The following MCCC2 variants were observed in gnomAD, a reference collection of about 807,000 sequenced individuals.
MCCC2 encodes methylcrotonyl-CoA carboxylase subunit 2.
Under a neutral mutation model 77.2 loss-of-function variants are expected in MCCC2, and 52 were observed. The observed-to-expected ratio is 0.67, with a 90% CI of 0.54 to 0.85. MCCC2 has a LOEUF of 0.85. MCCC2 is among the 40% of genes least tolerant of loss of function. The pLI is 0.00. For synonymous variants in MCCC2, 253 were observed against 248.4 expected (o/e 1.02, Z -0.18); for missense variants, 682 against 703.2 (o/e 0.97, Z 0.34).
chr5:71,646,095 A>G (rs1747266087), intron 12 of MCCC2, 116 bp from the exon 13 acceptor site: 6 of 848,948 alleles, frequency 7.1e-6, no homozygotes, highest in Non-Finnish European at 1.1e-5. Flanking sequence ...AAGAGAAAAA[A>G]TTTTAAAGGG....
intron 11 of MCCC2, 121 bp downstream of exon 11, chr5:71,641,196 G>A (rs1485755862): frequency 7.1e-6 from 6 of 846,970 alleles, no homozygotes; most frequent in Non-Finnish European, 1.2e-5. Flanking sequence ...CTACAAATGT[G>A]TGAGCCACTT....
At chr5:71,625,612 C>T (rs1042339103) in intron 6 of MCCC2, among the ~76,000 whole-genome samples, 1 of 152,210 alleles carries the variant, frequency 6.6e-6, no homozygotes, top group Admixed American at 6.5e-5. Flanking sequence ...TAATCTGTAA[C>T]ACAAACTTCT....
intron 1 of MCCC2, 27 bp from the exon 2 acceptor site, chr5:71,592,899 C>T (rs756758825): frequency 1.5e-5 from 23 of 1,503,150 alleles, no homozygotes; most frequent in Non-Finnish European, 2.0e-5. Flanking sequence ...ATATTTCTCT[C>T]CCCTGTCTCC....
At chr5:71,653,486 T>C (rs1001082955) in intron 16 of MCCC2, among the ~76,000 whole-genome samples, 3 of 149,670 alleles carry the variant, frequency 2.0e-5, no homozygotes, top group Admixed American at 1.3e-4. Context: ...TAACTCTTTC[T>C]GCATCTTGTA....
intron 16 of MCCC2, 55 bp from the exon 17 acceptor site, chr5:71,656,688 G>A: frequency 1.5e-6 from 2 of 1,348,650 alleles, no homozygotes; most frequent in Non-Finnish European, 2.1e-6. Flanking sequence ...CATGGAGAGT[G>A]TATAAATGGT....
At position 71,650,012 on chromosome 5, in the gene MCCC2, T is replaced by G; in HGVS notation, c.1374-57T>G. 3 of 1,385,304 alleles carry G rather than the reference T, an allele frequency of 2.2e-6. No individual in the cohort carries two copies. The Admixed American group carries it at 5.1e-5, about 24-fold the overall frequency. 85.8% of individuals were successfully genotyped at this position (1,385,304 alleles called of 1,614,324 possible). ...AATTTAAAAGGCAAACATGGGCCTC[T>G]GAAAATCTATGTTGTATATTGACTT... On this transcript the variant is annotated intron_variant, in intron 14 of 16. Coordinates refer to ENST00000340941, the MANE Select transcript of MCCC2 (RefSeq NM_022132.5).
At chr5:71,618,522 TTCCTTCCTTCCTTCCTTCCTTCCTTC>T (rs879327147) in intron 6 of MCCC2, among the ~76,000 whole-genome samples, 8,008 of 80,742 alleles carry the variant, frequency 0.099, 321 homozygotes, top group Admixed American at 0.14. Context: ...CCTTCCTTCC[TTCCTTCCTTCCTTCCTTCCTTCCTTC>T]CTTTCTTTCT....
intron 16 of MCCC2, among the ~76,000 whole-genome samples, chr5:71,654,760 G>A (rs1403216818): frequency 6.6e-6 from 1 of 151,660 alleles, no homozygotes; most frequent in East Asian, 1.9e-4. Context: ...ATTCAAGGCA[G>A]AAGAGTAAAT....
At chr5:71,601,406 C>T (rs777438671) in intron 4 of MCCC2, among the ~76,000 whole-genome samples, 1 of 152,162 alleles carries the variant, frequency 6.6e-6, no homozygotes, top group African/African-American at 2.4e-5. Flanking sequence ...GCCCAGCAAC[C>T]TATGAGAAGC....
chr5:71,619,541 G>A (rs1267111443), intron 6 of MCCC2, among the ~76,000 whole-genome samples: 2 of 152,150 alleles, frequency 1.3e-5, no homozygotes, highest in African/African-American at 4.8e-5. Flanking sequence ...ACAGGCATGA[G>A]CCAATGTGGC....
chr5:71,637,300 C>T (rs977835021), intron 10 of MCCC2, among the ~76,000 whole-genome samples: 1 of 152,178 alleles, frequency 6.6e-6, no homozygotes, highest in African/African-American at 2.4e-5. Flanking sequence ...ACCTCAGATA[C>T]ATTGTGGGTT....
chr5:71,587,378 C>G lies in MCCC2; in HGVS notation c.-48C>G, dbSNP rs949240449. The G allele has an allele frequency of 8.5e-6, 13 of 1,526,312 alleles. No homozygotes were observed. In the African/African-American group the frequency reaches 1.1e-4, roughly 13 times the overall value. 94.5% of individuals were successfully genotyped at this position (1,526,312 alleles called of 1,614,324 possible). On this transcript the variant is annotated 5_prime_UTR_variant, in exon 1 of 17. Transcript: ENST00000340941. Reference sequence around the variant, plus strand: ...GCCAGGGAAGCGGCAGGGGAAAGCACCGGCTCCAGGCCAGCGTGGGCCGCT... The same window carrying G: ...GCCAGGGAAGCGGCAGGGGAAAGCAGCGGCTCCAGGCCAGCGTGGGCCGCT...
chr5:71,591,221 A>T (rs1314892074), intron 1 of MCCC2, among the ~76,000 whole-genome samples: 1 of 152,232 alleles, frequency 6.6e-6, no homozygotes, highest in Non-Finnish European at 1.5e-5. Context: ...TGCTAATCAC[A>T]TGGGGAGCAA....
At position 71,652,759 on chromosome 5, in the gene MCCC2, G is replaced by C. The variant is rs781483923; in HGVS notation, c.1574+5G>C. The C allele has an allele frequency of 1.9e-6, 3 of 1,613,200 alleles. No homozygotes were observed. The East Asian group carries it at 6.7e-5, about 36-fold the overall frequency. ...CCCTTACTATTCCAGCGCAAGGTGGGGGCCAGAACATCACTAACTCTCTGA... is the reference window on the plus strand; with the variant it reads ...CCCTTACTATTCCAGCGCAAGGTGGCGGCCAGAACATCACTAACTCTCTGA... On this transcript the variant is annotated splice_donor_5th_base_variant and intron_variant, in intron 16 of 16. Transcript: ENST00000340941.
At chr5:71,603,435 A>G (rs866979665) in intron 5 of MCCC2, among the ~76,000 whole-genome samples, 1 of 150,360 alleles carries the variant, frequency 6.7e-6, no homozygotes, top group South Asian at 2.1e-4. Context: ...AAAAAAAAAA[A>G]AAAATGGGCC....
intron 16 of MCCC2, 126 bp downstream of exon 16, chr5:71,652,880 C>T: frequency 1.2e-6 from 1 of 838,964 alleles, no homozygotes; most frequent in Admixed American, 2.0e-5. Context: ...CATTTGGACA[C>T]ACTTAATTTT....
intron 1 of MCCC2, among the ~76,000 whole-genome samples, chr5:71,591,781 C>G (rs1043239131): frequency 6.6e-6 from 1 of 151,816 alleles, no homozygotes; most frequent in African/African-American, 2.4e-5. Context: ...TTGAAACAGT[C>G]TTGCTCTGTC....
chr5:71,595,770 G>T (rs1745162826), intron 2 of MCCC2, among the ~76,000 whole-genome samples: 1 of 152,188 alleles, frequency 6.6e-6, no homozygotes, highest in East Asian at 1.9e-4. Flanking sequence ...CAAGGAAGGG[G>T]ACTTTTAAAT....
chr5:71,635,339 T>A (rs1284569954), intron 10 of MCCC2, 93 bp downstream of exon 10: 4 of 1,109,572 alleles, frequency 3.6e-6, no homozygotes, highest in Non-Finnish European at 5.5e-6. Context: ...TAAGATATGT[T>A]CATGCCTAGA....
Sources: gnomAD v4.1 joint callset for allele counts (sites outside exome capture counted in the v4.1 genomes callset) on GRCh38, gnomAD v4.1.1 for gene constraint, MANE v1.5 for transcripts, NCBI Gene and HGNC (gene_info 2026-07-23, HGNC 2026-07-21) for gene names.